Variants in PTPN3 observed in about 807,000 individuals in gnomAD.
PTPN3 encodes the protein tyrosine-protein phosphatase non-receptor type 3.
Under a neutral mutation model 132.7 loss-of-function variants are expected in PTPN3, and 96 were observed. The observed-to-expected ratio is 0.72, with a 90% CI of 0.61 to 0.86. The LOEUF is 0.86. Among genes scored for constraint, PTPN3 ranks in the 40% least tolerant of loss-of-function variants. The pLI is 0.00. For synonymous variants in PTPN3, 398 were observed against 429.0 expected, an observed-to-expected ratio of 0.93 and a Z score of 0.89; for missense variants, 1,125 against 1,159.6, an observed-to-expected ratio of 0.97 and a Z score of 0.43.
At position 109,457,416 on chromosome 9, in the gene PTPN3, T is replaced by A; in HGVS notation, c.139-17A>T. The A allele has an allele frequency of 1.9e-6, 3 of 1,585,078 alleles. No individual in the cohort carries two copies. Among genetic ancestry groups the A allele is most frequent in the Non-Finnish European group, 2.6e-6 (3 of 1,162,554 alleles). On this transcript the variant is annotated splice_polypyrimidine_tract_variant and intron_variant, in intron 2 of 25. Coordinates refer to ENST00000374541, the MANE Select transcript of PTPN3 (RefSeq NM_002829.4). The stretch of plus-strand genomic sequence containing the variant: ...GTCTTGTTTCTAGAACAAAGGAAAT[T>A]ATCAAGTGGGAAAAGTCTTAAATTA...
chr9:109,532,060 T>C, the PTPN3 span, among the ~76,000 whole-genome samples: 2 of 152,232 alleles, frequency 1.3e-5, no homozygotes, highest in Non-Finnish European at 2.9e-5. Flanking sequence ...TCCAAATGAA[T>C]GAGTCTTATG....
At chr9:109,457,121 C>CTG in intron 4 of PTPN3, 52 bp downstream of exon 4, 2 of 1,571,226 alleles carry the variant, frequency 1.3e-6, no homozygotes, top group South Asian at 2.2e-5. Context: ...GAGAAACAGG[C>CTG]TGTGATACAC....
the PTPN3 span, among the ~76,000 whole-genome samples, chr9:109,529,923 T>C: frequency 5.3e-5 from 8 of 152,166 alleles, no homozygotes; most frequent in East Asian, 1.5e-3. Context: ...TATTTATTTA[T>C]TTATTGTAGA....
chr9:109,400,262 C>A (rs1840975734), intron 19 of PTPN3, among the ~76,000 whole-genome samples: 1 of 152,180 alleles, frequency 6.6e-6, no homozygotes, highest in Non-Finnish European at 1.5e-5. Context: ...TGGGCATGTT[C>A]TACAGACTCT....
At chr9:109,407,615 G>C (rs752299593) in intron 17 of PTPN3, among the ~76,000 whole-genome samples, 1 of 152,170 alleles carries the variant, frequency 6.6e-6, no homozygotes, top group Non-Finnish European at 1.5e-5. Flanking sequence ...CGTGATCTCA[G>C]CTCACTGCAA....
chr9:109,430,399 C>T (rs572167405), intron 10 of PTPN3, among the ~76,000 whole-genome samples: 54 of 152,280 alleles, frequency 3.5e-4, no homozygotes, highest in African/African-American at 7.0e-4. Context: ...AGCTCAGCAT[C>T]GCCTTCCCAG....
chr9:109,428,251 G>A lies in PTPN3; in HGVS notation c.828+370C>T, dbSNP rs192582238. On this transcript the variant is annotated intron_variant, in intron 11 of 25. Coordinates refer to ENST00000374541, the MANE Select transcript of PTPN3 (RefSeq NM_002829.4). ...TAGGGAACGTTAAGTAACCTGGCTA[G>A]CTGGTAAGTGGAAGAGCCAGGATCT... Among the ~76,000 whole-genome samples the A allele has an allele frequency of 3.8e-3, 581 of 152,344 alleles. 3 individuals carry two copies. Among genetic ancestry groups the A allele is most frequent in the Middle Eastern group, 0.014 (4 of 294 alleles).
chr9:109,391,183 T>C lies in PTPN3; in HGVS notation c.2061A>G (p.Val687=). ...TATAATCTTCATTTCCCTGCAATAA[T>C]ACCCGGGTGGTGTCATCTGCGGGGA... The part of the protein sequence containing the change: ...KDVLPYDTTR[V]LLQGNEDYIN... The change falls in exon 21 of 26, where the codon GTA becomes GTG. Residue 687 remains valine, a synonymous_variant. Transcript: ENST00000374541. The C allele has an allele frequency of 6.2e-7, 1 of 1,613,440 alleles. No individual in the cohort carries two copies. Among genetic ancestry groups the C allele is most frequent in the Non-Finnish European group, 8.5e-7 (1 of 1,179,556 alleles).
At chr9:109,482,403 G>C (rs1370483545) in intron 1 of PTPN3, among the ~76,000 whole-genome samples, 1 of 152,022 alleles carries the variant, frequency 6.6e-6, no homozygotes, top group Non-Finnish European at 1.5e-5. Context: ...TGTATCTACG[G>C]GATAACCGCA....
At chr9:109,388,271 G>A (rs1371509531) in intron 22 of PTPN3, among the ~76,000 whole-genome samples, 1 of 152,196 alleles carries the variant, frequency 6.6e-6, no homozygotes, top group Non-Finnish European at 1.5e-5. Flanking sequence ...CCAAGAGTTT[G>A]CAACAGAAGA....
chr9:109,379,446 C>G lies in PTPN3; in HGVS notation c.*110G>C. 1.1e-6 allele frequency: 1 copy of G among 947,174 alleles called. No homozygotes were observed. The highest frequency in any genetic ancestry group is 2.4e-5 in the East Asian group (1 of 41,096). The allele number at this position is 947,174 out of a possible 1,614,324, so 58.7% of individuals were successfully genotyped here. A position where few individuals can be genotyped will look rare whatever the true frequency, so the allele number is the denominator to read the frequency against. On this transcript the variant is annotated 3_prime_UTR_variant, in exon 26 of 26. Transcript: ENST00000374541. Reference sequence around the variant, plus strand: ...TAAAGTGCCTGGGTTCAGAGGTGCCCATTCCTTTCCCACAGCTACTGGTTC... The same window carrying G: ...TAAAGTGCCTGGGTTCAGAGGTGCCGATTCCTTTCCCACAGCTACTGGTTC...
chr9:109,510,984 A>G, the PTPN3 span, among the ~76,000 whole-genome samples: 1 of 152,218 alleles, frequency 6.6e-6, no homozygotes, highest in African/African-American at 2.4e-5. Context: ...TCAAAAAGAA[A>G]CATTAAAAAA....
the PTPN3 span, chr9:109,532,944 G>GTTTTT: frequency 1.2e-4 from 38 of 312,170 alleles, no homozygotes; most frequent in African/African-American, 3.8e-4. Flanking sequence ...TCTTTTCTGG[G>GTTTTT]TTTTTTTTTT....
chr9:109,506,941 A>G, the PTPN3 span, among the ~76,000 whole-genome samples: 1 of 152,224 alleles, frequency 6.6e-6, no homozygotes, highest in Non-Finnish European at 1.5e-5. Context: ...TATTTTAAAT[A>G]AAAACATTCT....
At chr9:109,508,139 G>A in the PTPN3 span, among the ~76,000 whole-genome samples, 4 of 151,044 alleles carry the variant, frequency 2.6e-5, no homozygotes, top group Non-Finnish European at 4.4e-5. Context: ...CTGCACCAGA[G>A]AGTATTTGAT....
At chr9:109,392,963 A>C (rs1227753087) in intron 19 of PTPN3, 1 of 152,202 alleles carries the variant, frequency 6.6e-6, no homozygotes, top group Admixed American at 6.5e-5. Flanking sequence ...GAAGATAGTA[A>C]GTATTCCTTA....
At chr9:109,526,492 G>T in the PTPN3 span, among the ~76,000 whole-genome samples, 448 of 152,110 alleles carry the variant, frequency 2.9e-3, 2 homozygotes, top group Non-Finnish European at 4.6e-3. Context: ...GGGCAACAAA[G>T]TAGGACCTGA....
chr9:109,399,377 T>A (rs1840869770), intron 19 of PTPN3, among the ~76,000 whole-genome samples: 1 of 152,208 alleles, frequency 6.6e-6, no homozygotes, highest in African/African-American at 2.4e-5. Context: ...ACTAGTTGTG[T>A]GCCACTGGGC....
At chr9:109,483,296 G>A (rs185897862) in intron 1 of PTPN3, among the ~76,000 whole-genome samples, 4 of 152,256 alleles carry the variant, frequency 2.6e-5, no homozygotes, top group East Asian at 1.9e-4. Flanking sequence ...TGTCCACAGC[G>A]ACAGGCTCCA....
Sources: allele counts gnomAD v4.1 joint callset (sites outside exome capture counted in the v4.1 genomes callset), GRCh38; gene constraint gnomAD v4.1.1; transcripts MANE v1.5; gene names NCBI Gene and HGNC (gene_info 2026-07-23, HGNC 2026-07-21).